Variants in SPAG16 observed in about 807,000 individuals in gnomAD.
The protein encoded by SPAG16 is sperm-associated antigen 16 protein.
In SPAG16, 86 loss-of-function variants were observed where a neutral mutation model predicts 80.4. The observed-to-expected ratio is 1.07, with a 90% CI of 0.90 to 1.28. The LOEUF (loss-of-function observed/expected upper bound fraction) is 1.28. SPAG16 is among the 50% of genes most tolerant of loss of function. The pLI, the probability that SPAG16 is intolerant of heterozygous loss-of-function variation, is 0.00. For synonymous variants in SPAG16, 294 were observed against 265.9 expected, an observed-to-expected ratio of 1.11 and a Z score of -1.03; for missense variants, 870 against 765.3, an observed-to-expected ratio of 1.14 and a Z score of -1.61.
intron 15 of SPAG16, among the ~76,000 whole-genome samples, chr2:214,258,489 A>ATG (rs1295333235): frequency 6.8e-6 from 1 of 148,014 alleles, no homozygotes; most frequent in Non-Finnish European, 1.5e-5. Flanking sequence ...ATATATATAT[A>ATG]TACACACACA....
chr2:213,583,795 T>A lies in SPAG16; in HGVS notation c.1070+93705T>A, dbSNP rs140144899. Among the ~76,000 whole-genome samples the A allele has an allele frequency of 1.4e-4, 22 of 152,328 alleles. No individual in the cohort carries two copies. In the East Asian group the frequency reaches 1.9e-3, roughly 13 times the overall value. On this transcript the variant is annotated intron_variant, in intron 10 of 15. Coordinates refer to ENST00000331683, the MANE Select transcript of SPAG16 (RefSeq NM_024532.5). ...CTTTTTAAAATAATATAATTGACAATGAAAGACAATTTTGTTGGAAAATCT... is the reference window on the plus strand; with the variant it reads ...CTTTTTAAAATAATATAATTGACAAAGAAAGACAATTTTGTTGGAAAATCT...
intron 5 of SPAG16, among the ~76,000 whole-genome samples, chr2:213,333,156 C>A (rs1214765967): frequency 6.6e-6 from 1 of 151,968 alleles, no homozygotes; most frequent in Non-Finnish European, 1.5e-5. Flanking sequence ...ATAAATTCAG[C>A]AAGGTTTCAA....
chr2:213,489,993 A>C lies in SPAG16; in HGVS notation c.973A>C (p.Asn325His), dbSNP rs762877622. 4 of 1,608,628 alleles carry C rather than the reference A, an allele frequency of 2.5e-6. No individual in the cohort carries two copies. Among genetic ancestry groups the C allele is most frequent in the East Asian group, 4.5e-5 (2 of 44,534 alleles). Residue 325 changes from asparagine (N) to histidine (H), a missense_variant, in exon 10 of 16, where the codon AAT becomes CAT. Asn to His is a moderately conservative substitution (Grantham distance 68). Coordinates refer to ENST00000331683, the MANE Select transcript of SPAG16 (RefSeq NM_024532.5). ...DSEFPIDMQPNPNLNVSKESL... is the reference protein window; with the variant it reads ...DSEFPIDMQPHPNLNVSKESL... ...AGAATTTCCCATAGATATGCAACCA[A>C]ATCCAAACCTGAATGTTTCTAAAGA...
chr2:214,003,745 T>G (rs1250496619), intron 12 of SPAG16, among the ~76,000 whole-genome samples: 1 of 152,196 alleles, frequency 6.6e-6, no homozygotes, highest in Non-Finnish European at 1.5e-5. Flanking sequence ...AGATAATTTA[T>G]TTAATATATA....
chr2:213,818,462 A>G (rs2072710626), intron 10 of SPAG16, among the ~76,000 whole-genome samples: 1 of 152,146 alleles, frequency 6.6e-6, no homozygotes, highest in Non-Finnish European at 1.5e-5. Flanking sequence ...AAGAGTGTAT[A>G]TGAGCCTCAA....
At chr2:213,329,990 C>A (rs2064017752) in intron 5 of SPAG16, among the ~76,000 whole-genome samples, 1 of 152,200 alleles carries the variant, frequency 6.6e-6, no homozygotes. Context: ...TGATGTTGAG[C>A]CTGCAGGTGC....
At chr2:213,546,086 AT>A in intron 10 of SPAG16, among the ~76,000 whole-genome samples, 1 of 151,972 alleles carries the variant, frequency 6.6e-6, no homozygotes, top group African/African-American at 2.4e-5. Context: ...ATATCTTGCA[AT>A]TTTTCTATGA....
intron 15 of SPAG16, among the ~76,000 whole-genome samples, chr2:214,285,855 C>T (rs1038469470): frequency 4.6e-5 from 7 of 152,008 alleles, no homozygotes; most frequent in African/African-American, 9.7e-5. Context: ...AAAAAGCAGA[C>T]GCTTTTAGTT....
chr2:214,131,525 T>C (rs903754833), intron 14 of SPAG16, among the ~76,000 whole-genome samples: 1 of 152,134 alleles, frequency 6.6e-6, no homozygotes, highest in Non-Finnish European at 1.5e-5. Context: ...AGTAGCTTTA[T>C]TCATAACTGT....
chr2:213,436,239 A>G (rs191404183), intron 9 of SPAG16, among the ~76,000 whole-genome samples: 220 of 152,310 alleles, frequency 1.4e-3, no homozygotes, highest in African/African-American at 5.1e-3. Context: ...GGCAATTAAA[A>G]ACAATTTCTA....
intron 14 of SPAG16, among the ~76,000 whole-genome samples, chr2:214,134,292 C>G (rs1276864751): frequency 7.9e-5 from 12 of 152,156 alleles, no homozygotes; most frequent in Non-Finnish European, 1.8e-4. Context: ...TCCTGAATCA[C>G]TCTTCATTCT....
chr2:214,333,371 C>T (rs759085815), intron 15 of SPAG16, among the ~76,000 whole-genome samples: 1 of 152,332 alleles, frequency 6.6e-6, no homozygotes, highest in South Asian at 2.1e-4. Context: ...GTCATGCCAC[C>T]CTGGCTACCC....
intron 10 of SPAG16, among the ~76,000 whole-genome samples, chr2:213,686,673 CCTT>C (rs2064689676): frequency 7.7e-6 from 1 of 130,076 alleles, no homozygotes; most frequent in Non-Finnish European, 1.6e-5. Context: ...TATTAATCCA[CCTT>C]TTTTTTTTTT....
intron 10 of SPAG16, among the ~76,000 whole-genome samples, chr2:213,758,926 T>C (rs1281520453): frequency 1.3e-5 from 2 of 152,184 alleles, no homozygotes; most frequent in African/African-American, 4.8e-5. Flanking sequence ...AAAACATCAA[T>C]ATATTACTTA....
In SPAG16 at chr2:214,274,427, G is replaced by T. The variant is rs1692290105; in HGVS notation, c.1720+125161G>T. Among the ~76,000 whole-genome samples, 3 of 152,286 alleles carry T rather than the reference G, an allele frequency of 2.0e-5. No individual in the cohort carries two copies. The South Asian group carries it at 6.2e-4, about 32-fold the overall frequency. ...GCCCATTCAGCATGATATTGGCTGTGAGTTTGTCATAAATAGCTCTTACTA... is the reference window on the plus strand; with the variant it reads ...GCCCATTCAGCATGATATTGGCTGTTAGTTTGTCATAAATAGCTCTTACTA... On this transcript the variant is annotated intron_variant, in intron 15 of 15. Coordinates refer to ENST00000331683, the MANE Select transcript of SPAG16 (RefSeq NM_024532.5).
chr2:213,552,247 A>G (rs570945968), intron 10 of SPAG16, among the ~76,000 whole-genome samples: 5 of 152,260 alleles, frequency 3.3e-5, no homozygotes, highest in African/African-American at 1.2e-4. Context: ...AATCATGGAA[A>G]TGAGCATTAA....
At chr2:213,575,400 G>C (rs887713196) in intron 10 of SPAG16, among the ~76,000 whole-genome samples, 15 of 151,904 alleles carry the variant, frequency 9.9e-5, no homozygotes, top group Non-Finnish European at 1.9e-4. Flanking sequence ...AAATTAAAGG[G>C]TATTTATTGA....
At chr2:213,598,598 C>T (rs542609849) in intron 10 of SPAG16, among the ~76,000 whole-genome samples, 2 of 152,246 alleles carry the variant, frequency 1.3e-5, no homozygotes, top group African/African-American at 4.8e-5. Flanking sequence ...CTGACCTCCT[C>T]TCATGAATTG....
intron 10 of SPAG16, among the ~76,000 whole-genome samples, chr2:213,754,049 G>T (rs956813278): frequency 6.6e-6 from 1 of 152,132 alleles, no homozygotes; most frequent in African/African-American, 2.4e-5. Flanking sequence ...TTATCAAAAG[G>T]TGATCTATTA....
Sources: gnomAD v4.1 joint callset for allele counts (sites outside exome capture counted in the v4.1 genomes callset) on GRCh38, gnomAD v4.1.1 for gene constraint, MANE v1.5 for transcripts, NCBI Gene and HGNC (gene_info 2026-07-23, HGNC 2026-07-21) for gene names.